PPP5C: variants seen among roughly 807,000 people sequenced by gnomAD.
PPP5C encodes protein phosphatase 5 catalytic subunit.
Under a neutral mutation model 66.7 loss-of-function variants are expected in PPP5C, and 21 were observed. The observed-to-expected ratio is 0.31, with a 90% CI of 0.22 to 0.45. The LOEUF is 0.45. Among genes scored for constraint, PPP5C ranks in the 20% least tolerant of loss-of-function variants. The pLI is 1.00. For synonymous variants in PPP5C, 246 were observed against 257.4 expected (o/e 0.96, Z 0.43); for missense variants, 464 against 675.9 (o/e 0.69, Z 3.48).
chr19:46,362,887 A>G (rs1480937922), intron 2 of PPP5C, among the ~76,000 whole-genome samples: 1 of 150,648 alleles, frequency 6.6e-6, no homozygotes, highest in East Asian at 2.0e-4. Context: ...GCCCAGGTTC[A>G]TGCCATTCCC....
chr19:46,362,827 G>A (rs556823797), intron 2 of PPP5C, among the ~76,000 whole-genome samples: 2 of 149,888 alleles, frequency 1.3e-5, no homozygotes, highest in South Asian at 4.2e-4. Flanking sequence ...TCACTCTGTC[G>A]CCCAGGCTGG....
chr19:46,356,101 G>A (rs1272749867), intron 2 of PPP5C, among the ~76,000 whole-genome samples: 1 of 152,228 alleles, frequency 6.6e-6, no homozygotes, highest in Non-Finnish European at 1.5e-5. Flanking sequence ...CAGCCATCTT[G>A]TGGGTGTGCC....
In PPP5C at chr19:46,387,659, C is replaced by T. The variant is rs552470804; in HGVS notation, c.1135+206C>T. On this transcript the variant is annotated intron_variant, in intron 9 of 12. Coordinates refer to ENST00000012443, the MANE Select transcript of PPP5C (RefSeq NM_006247.4). The stretch of plus-strand genomic sequence containing the variant: ...GGCAAGCACGGTCGTGACCATGGTG[C>T]GGGGTGAAGGCACGGTGACCGCCGA... 3.7e-4 allele frequency: 554 copies of T among 1,500,096 alleles called. 2 individuals carry two copies. The highest frequency in any genetic ancestry group is 1.6e-3 in the Admixed American group (80 of 49,642). The allele number at this position is 1,500,096 out of a possible 1,614,324, so 92.9% of individuals were successfully genotyped here.
intron 1 of PPP5C, among the ~76,000 whole-genome samples, chr19:46,351,039 TC>T (rs1568563368): frequency 6.6e-6 from 1 of 151,994 alleles, no homozygotes; most frequent in Non-Finnish European, 1.5e-5. Context: ...TCAACTGTCT[TC>T]CCCTCTCTGT....
rs768121260 is a variant in PPP5C at position 46,353,686 on chromosome 19, G to T, written c.122-62G>T. On this transcript the variant is annotated intron_variant, in intron 1 of 12. Transcript: ENST00000012443. ...GAACAGGGAGACTGGGCGTCACCCA[G>T]CCCAGGGCCTGTCCTCGCAGGGTTG... 23 of 1,603,636 alleles carry T rather than the reference G, an allele frequency of 1.4e-5. No homozygotes were observed. In the South Asian group the frequency reaches 1.9e-4, roughly 13 times the overall value.
chr19:46,372,750 A>T (rs955674561), intron 2 of PPP5C, among the ~76,000 whole-genome samples: 6 of 152,242 alleles, frequency 3.9e-5, no homozygotes, highest in African/African-American at 1.4e-4. Flanking sequence ...CCCTAAAGGT[A>T]TATCTGGCAT....
chr19:46,356,369 T>C (rs988667053), intron 2 of PPP5C, among the ~76,000 whole-genome samples: 10 of 152,256 alleles, frequency 6.6e-5, no homozygotes, highest in Non-Finnish European at 1.5e-4. Context: ...GCAGTTCATC[T>C]TCCCAAGACT....
rs1299325156 is a variant in PPP5C, at chr19:46,383,216, C to T, written c.634-195C>T. The stretch of plus-strand genomic sequence containing the variant: ...ACAATCGCAATGCTTCGGCACTGCA[C>T]AGGCCACAGAAGCCTGCGGCTGCCT... On this transcript the variant is annotated intron_variant, in intron 4 of 12. Coordinates refer to ENST00000012443, the MANE Select transcript of PPP5C (RefSeq NM_006247.4). The surrounding 1 kb of genome is among the most constrained non-coding windows in gnomAD (Gnocchi z 5.0). The T allele has an allele frequency of 1.3e-6, 2 of 1,534,800 alleles. No homozygotes were observed. The highest frequency in any genetic ancestry group is 2.0e-5 in the Admixed American group (1 of 50,820).
chr19:46,384,238 G>A (rs964618032), intron 6 of PPP5C: 2 of 309,572 alleles, frequency 6.5e-6, no homozygotes, highest in African/African-American at 2.1e-5. Context: ...ACCGAAGCAG[G>A]TTACTTCACT....
At chr19:46,357,917 T>C (rs778638203) in intron 2 of PPP5C, among the ~76,000 whole-genome samples, 4 of 152,204 alleles carry the variant, frequency 2.6e-5, no homozygotes, top group Non-Finnish European at 5.9e-5. Context: ...AATTATACCA[T>C]TGGTCATTGG....
chr19:46,378,194 G>A (rs530514699), intron 4 of PPP5C, among the ~76,000 whole-genome samples: 3 of 152,118 alleles, frequency 2.0e-5, no homozygotes, highest in African/African-American at 4.8e-5. Flanking sequence ...TTAATACGTC[G>A]TATTTTCATT....
chr19:46,389,207 C>G (rs1294878819), intron 11 of PPP5C, among the ~76,000 whole-genome samples: 1 of 151,526 alleles, frequency 6.6e-6, no homozygotes, highest in African/African-American at 2.4e-5. Flanking sequence ...ACCCGTAATC[C>G]CAGCTACTCA....
At chr19:46,364,001 G>A (rs73561673) in intron 2 of PPP5C, among the ~76,000 whole-genome samples, 2,349 of 152,250 alleles carry the variant, frequency 0.015, 70 homozygotes, top group African/African-American at 0.054. Context: ...GTGGCAAGAG[G>A]AAGGAGGGAC....
At chr19:46,351,480 C>CT (rs1236641143) in intron 1 of PPP5C, among the ~76,000 whole-genome samples, 2 of 152,248 alleles carry the variant, frequency 1.3e-5, no homozygotes, top group Admixed American at 6.5e-5. Flanking sequence ...AAAATCCTCA[C>CT]GGCCACCCAG....
chr19:46,349,164 C>G (rs1022265749), intron 1 of PPP5C, among the ~76,000 whole-genome samples: 5 of 151,972 alleles, frequency 3.3e-5, no homozygotes, highest in Non-Finnish European at 5.9e-5. Flanking sequence ...TGTGGTGGCA[C>G]ACACCTGTAG....
Position 46,376,757 on chromosome 19 carries a change from G to A in PPP5C, c.633+183G>A. 2.5e-6 allele frequency: 2 copies of A among 812,102 alleles called. No homozygotes were observed. The highest frequency in any genetic ancestry group is 3.7e-6 in the Non-Finnish European group (2 of 544,596). The allele number at this position is 812,102 out of a possible 1,614,324, so 50.3% of individuals were successfully genotyped here. On this transcript the variant is annotated intron_variant, in intron 4 of 12. Coordinates refer to ENST00000012443, the MANE Select transcript of PPP5C (RefSeq NM_006247.4). The surrounding 1 kb of genome is among the most constrained non-coding windows in gnomAD (Gnocchi z 5.1). ...CATGATCTCATCTCGTCCCACAGCA[G>A]TTTGGGGAGGTGGCAGGCAGTGCCA...
rs1972926119 is a variant in PPP5C at position 46,388,248 on chromosome 19, A to C, written c.1136-160A>C. ...GTGGGGGTGGCTCAGAATCACAGTC[A>C]CCTGTCCTGAATGTCCATGTCCATG... On this transcript the variant is annotated intron_variant, in intron 9 of 12. Transcript: ENST00000012443. This position sits in a 1 kb window ranked among gnomAD's most constrained non-coding sequence, Gnocchi z 4.9. The C allele has an allele frequency of 4.1e-6, 3 of 732,086 alleles. No individual in the cohort carries two copies. In the Admixed American group the frequency reaches 8.9e-5, roughly 22 times the overall value. The allele number at this position is 732,086 out of a possible 1,614,324, so 45.3% of individuals were successfully genotyped here.
At chr19:46,354,983 A>G (rs1465591508) in intron 2 of PPP5C, among the ~76,000 whole-genome samples, 1 of 152,206 alleles carries the variant, frequency 6.6e-6, no homozygotes, top group African/African-American at 2.4e-5. Flanking sequence ...TGTGCTCTGC[A>G]TCTTCCTTCA....
chr19:46,369,631 CA>C (rs34783979), intron 2 of PPP5C, among the ~76,000 whole-genome samples: 2,642 of 119,074 alleles, frequency 0.022, 89 homozygotes, highest in African/African-American at 0.075. Flanking sequence ...GACTCTGTCT[CA>C]AAAAAAAAAA....
Sources: allele counts gnomAD v4.1 joint callset (sites outside exome capture counted in the v4.1 genomes callset), GRCh38; gene constraint gnomAD v4.1.1; non-coding constraint Gnocchi (gnomAD v3.1); transcripts MANE v1.5; gene names NCBI Gene and HGNC (gene_info 2026-07-23, HGNC 2026-07-21).